STAU2: variants seen among roughly 807,000 people sequenced by gnomAD.
STAU2 encodes double-stranded RNA-binding protein Staufen homolog 2.
Under a neutral mutation model 65.9 loss-of-function variants are expected in STAU2, and 20 were observed. The ratio of observed to expected loss-of-function variants is 0.30; its 90% confidence interval spans 0.21 to 0.44. The LOEUF is 0.44. Ranked by LOEUF, STAU2 falls within the 20% of genes least tolerant of loss-of-function variation. The pLI is 1.00. For synonymous variants in STAU2, 232 were observed against 233.9 expected (o/e 0.99, Z 0.07); for missense variants, 558 against 683.9 (o/e 0.82, Z 2.05).
intron 13 of STAU2, among the ~76,000 whole-genome samples, chr8:73,435,965 C>G (rs2128886282): frequency 6.6e-6 from 1 of 152,030 alleles, no homozygotes. Context: ...CCCCTCACCA[C>G]TTGGAAGGTC....
chr8:73,571,216 C>T (rs2128955813), intron 12 of STAU2, among the ~76,000 whole-genome samples: 1 of 152,252 alleles, frequency 6.6e-6, no homozygotes, highest in South Asian at 2.1e-4. Flanking sequence ...TATATATGCA[C>T]CCAATACAGG....
intron 3 of STAU2, among the ~76,000 whole-genome samples, chr8:73,720,919 T>C (rs964064970): frequency 1.3e-5 from 2 of 152,054 alleles, no homozygotes; most frequent in Non-Finnish European, 1.5e-5. Flanking sequence ...TTTCTGTTAA[T>C]GATTCCTAAT....
At chr8:73,469,219 A>G (rs192766996) in intron 13 of STAU2, among the ~76,000 whole-genome samples, 1 of 152,202 alleles carries the variant, frequency 6.6e-6, no homozygotes, top group East Asian at 1.9e-4. Context: ...AAAATCAAAC[A>G]CCGCATGTTC....
intron 13 of STAU2, among the ~76,000 whole-genome samples, chr8:73,545,577 TA>T (rs1806851824): frequency 6.6e-6 from 1 of 151,678 alleles, no homozygotes; most frequent in African/African-American, 2.4e-5. Context: ...TGTTTACATA[TA>T]AAATTTTACA....
chr8:73,661,304 T>C (rs1384074775), intron 6 of STAU2, among the ~76,000 whole-genome samples: 1 of 152,202 alleles, frequency 6.6e-6, no homozygotes, highest in Non-Finnish European at 1.5e-5. Context: ...AAACACCCTA[T>C]AAGGTAAATA....
At chr8:73,506,682 C>T (rs1822086205) in intron 13 of STAU2, among the ~76,000 whole-genome samples, 1 of 152,032 alleles carries the variant, frequency 6.6e-6, no homozygotes, top group African/African-American at 2.4e-5. Context: ...AATAAGACAA[C>T]CATAAAATTT....
At chr8:73,709,789 T>TA (rs924208464) in intron 3 of STAU2, among the ~76,000 whole-genome samples, 18 of 149,618 alleles carry the variant, frequency 1.2e-4, no homozygotes, top group South Asian at 4.2e-4. Flanking sequence ...TAACTCTTAT[T>TA]AAAAAAAAAA....
intron 6 of STAU2, among the ~76,000 whole-genome samples, chr8:73,621,095 A>C (rs1222353138): frequency 1.3e-5 from 2 of 152,150 alleles, no homozygotes; most frequent in Non-Finnish European, 2.9e-5. Flanking sequence ...ACTTTTAGTA[A>C]GGTATTTGAT....
rs71269931 is a variant in STAU2 at position 73,658,943 on chromosome 8, CAAAAA to C, written c.410+14159_410+14163del. Among the ~76,000 whole-genome samples the C allele has an allele frequency of 7.4e-4, 105 of 141,954 alleles. 7 individuals carry two copies. The highest frequency in any genetic ancestry group is 3.6e-3 in the East Asian group (18 of 5,048). 93.1% of individuals were successfully genotyped at this position (141,954 alleles called of 152,430 possible). ...ACAACAACAACAACAACAAAAACAA[CAAAAA>C]AAAAAAACCAACCATACTTAAATTG... On this transcript the variant is annotated intron_variant, in intron 6 of 14. Coordinates refer to ENST00000524300, the MANE Select transcript of STAU2 (RefSeq NM_001164380.2).
At chr8:73,698,449 G>A (rs1429762516) in intron 4 of STAU2, among the ~76,000 whole-genome samples, 3 of 151,996 alleles carry the variant, frequency 2.0e-5, no homozygotes, top group Non-Finnish European at 4.4e-5. Context: ...AGAGAGGGAT[G>A]GAGAAACATA....
At chr8:73,502,284 T>G (rs1821805258) in intron 13 of STAU2, among the ~76,000 whole-genome samples, 1 of 151,838 alleles carries the variant, frequency 6.6e-6, no homozygotes, top group African/African-American at 2.4e-5. Flanking sequence ...AAATTCCTCA[T>G]AAGAATTTGC....
At chr8:73,528,931 A>T (rs1805620496) in intron 13 of STAU2, among the ~76,000 whole-genome samples, 1 of 152,112 alleles carries the variant, frequency 6.6e-6, no homozygotes, top group Admixed American at 6.6e-5. Flanking sequence ...TATGAGCCCT[A>T]GTCTAATGGC....
At chr8:73,724,355 CTATT>C (rs746830293) in intron 3 of STAU2, among the ~76,000 whole-genome samples, 19 of 152,066 alleles carry the variant, frequency 1.2e-4, no homozygotes, top group Non-Finnish European at 2.4e-4. Context: ...CTATCTGTAT[CTATT>C]TGAGTTTCTT....
intron 13 of STAU2, among the ~76,000 whole-genome samples, chr8:73,499,853 T>C (rs1299754516): frequency 1.3e-5 from 2 of 151,862 alleles, no homozygotes; most frequent in Non-Finnish European, 2.9e-5. Context: ...TCCTTGCATA[T>C]GGGCTCTAGA....
At chr8:73,626,100 C>G (rs1563466486) in intron 6 of STAU2, among the ~76,000 whole-genome samples, 1 of 150,180 alleles carries the variant, frequency 6.7e-6, no homozygotes, top group East Asian at 1.9e-4. Context: ...CACACACACA[C>G]ACAGACACAT....
intron 12 of STAU2, among the ~76,000 whole-genome samples, chr8:73,555,875 T>A (rs1563419531): frequency 1.3e-5 from 2 of 152,236 alleles, no homozygotes; most frequent in Non-Finnish European, 2.9e-5. Context: ...TTTATTCCTT[T>A]ATGTTAGCTT....
intron 13 of STAU2, among the ~76,000 whole-genome samples, chr8:73,423,553 T>TCATCCTGGGG (rs1443409734): frequency 3.3e-5 from 5 of 152,188 alleles, no homozygotes; most frequent in Non-Finnish European, 7.3e-5. Flanking sequence ...AGGGCTGTTT[T>TCATCCTGGGG]CATCCTGGGG....
intron 11 of STAU2, among the ~76,000 whole-genome samples, chr8:73,587,533 T>A (rs1310329840): frequency 6.6e-6 from 1 of 152,138 alleles, no homozygotes. Flanking sequence ...GGGTAGGGTG[T>A]ACGTTGGGAA....
Position 73,421,477 on chromosome 8 carries a change from A to G in STAU2, c.1620-12T>C. ...GATGCTTGGCTTGTCTGAAAGATTA[A>G]TACATTAACAAGAGCTGAAGGCCTG... On this transcript the variant is annotated splice_polypyrimidine_tract_variant and intron_variant, in intron 14 of 14. Transcript: ENST00000524300. 6.5e-7 allele frequency: 1 copy of G among 1,537,252 alleles called. No homozygotes were observed. Among genetic ancestry groups the G allele is most frequent in the Non-Finnish European group, 8.7e-7 (1 of 1,146,866 alleles).
Sources: gnomAD v4.1 joint callset for allele counts (sites outside exome capture counted in the v4.1 genomes callset) on GRCh38, gnomAD v4.1.1 for gene constraint, MANE v1.5 for transcripts, NCBI Gene and HGNC (gene_info 2026-07-23, HGNC 2026-07-21) for gene names.